The following PDS5A variants were observed in gnomAD, a reference collection of about 807,000 sequenced individuals.
PDS5A encodes PDS5 cohesin associated factor A.
Under a neutral mutation model 167.1 loss-of-function variants are expected in PDS5A, and 42 were observed. The ratio of observed to expected loss-of-function variants is 0.25; its 90% CI spans 0.20 to 0.33. The LOEUF (loss-of-function observed/expected upper bound fraction) is 0.33. Ranked by LOEUF, PDS5A falls within the 10% of genes least tolerant of loss-of-function variation. The pLI is 1.00. For missense variants in PDS5A, 1,033 were observed against 1,605.9 expected (o/e 0.64, Z 6.10); for synonymous variants, 553 against 554.6 (o/e 1.00, Z 0.04).
intron 2 of PDS5A, among the ~76,000 whole-genome samples, chr4:39,966,419 AAT>A (rs1017316731): frequency 5.3e-5 from 8 of 152,310 alleles, no homozygotes; most frequent in African/African-American, 1.9e-4. Context: ...GCCCTACGTT[AAT>A]ATCAATTCCA....
intron 32 of PDS5A, among the ~76,000 whole-genome samples, chr4:39,836,688 T>C (rs1407828208): frequency 4.1e-5 from 6 of 146,192 alleles, no homozygotes; most frequent in Non-Finnish European, 7.5e-5. Flanking sequence ...GGTCTCAAAC[T>C]CCTGACCTCA....
chr4:39,917,759 G>A (rs569835339), intron 7 of PDS5A, among the ~76,000 whole-genome samples: 6 of 152,268 alleles, frequency 3.9e-5, no homozygotes, highest in African/African-American at 1.4e-4. Context: ...ATTTTTAGCA[G>A]AGACAAGGTT....
At chr4:39,945,184 G>A (rs1727631445) in intron 2 of PDS5A, among the ~76,000 whole-genome samples, 1 of 151,984 alleles carries the variant, frequency 6.6e-6, no homozygotes, top group Non-Finnish European at 1.5e-5. Flanking sequence ...CAGGCGGCCG[G>A]GTGCAGTGGC....
At chr4:39,924,230 C>T (rs1005510100) in intron 5 of PDS5A, among the ~76,000 whole-genome samples, 2 of 152,182 alleles carry the variant, frequency 1.3e-5, no homozygotes, top group African/African-American at 4.8e-5. Context: ...TGCCAACTGA[C>T]TACAAACACA....
chr4:39,873,751 T>TA, intron 20 of PDS5A, among the ~76,000 whole-genome samples: 1 of 152,248 alleles, frequency 6.6e-6, no homozygotes, highest in East Asian at 1.9e-4. Context: ...TGTTCTAACA[T>TA]AAACACATAA....
At chr4:39,845,071 G>C (rs1458477666) in intron 29 of PDS5A, among the ~76,000 whole-genome samples, 1 of 152,098 alleles carries the variant, frequency 6.6e-6, no homozygotes, top group Non-Finnish European at 1.5e-5. Context: ...AGCCAGGTGT[G>C]GTGGTATAAG....
At chr4:39,873,870 C>T (rs1720254340) in intron 20 of PDS5A, among the ~76,000 whole-genome samples, 1 of 151,926 alleles carries the variant, frequency 6.6e-6, no homozygotes, top group African/African-American at 2.4e-5. Context: ...ATGGCAAAAC[C>T]CCATCTCTAT....
At chr4:39,935,133 T>C (rs1445929079) in intron 2 of PDS5A, among the ~76,000 whole-genome samples, 3 of 152,348 alleles carry the variant, frequency 2.0e-5, no homozygotes, top group East Asian at 3.8e-4. Flanking sequence ...ATTGATTGAT[T>C]GATTGATTGA....
intron 14 of PDS5A, among the ~76,000 whole-genome samples, chr4:39,899,543 G>T (rs998742884): frequency 3.9e-5 from 6 of 152,034 alleles, no homozygotes; most frequent in African/African-American, 1.4e-4. Flanking sequence ...GCTATCTGTT[G>T]ATTTATTTTC....
intron 8 of PDS5A, among the ~76,000 whole-genome samples, chr4:39,914,631 ATT>A (rs910055146): frequency 3.3e-5 from 5 of 152,186 alleles, no homozygotes; most frequent in African/African-American, 1.2e-4. Flanking sequence ...GTAAGATTAT[ATT>A]TTCTTATCCT....
At chr4:39,868,581 A>C (rs1719749677) in intron 22 of PDS5A, 1 of 443,456 alleles carries the variant, frequency 2.3e-6, no homozygotes, top group African/African-American at 2.0e-5. Context: ...TGCCTGCCTC[A>C]GCCTCCCAAA....
rs34421673 is a variant in PDS5A, at chr4:39,968,347, CTTTT to C, written c.138+8089_138+8092del. On this transcript the variant is annotated intron_variant, in intron 2 of 32. Coordinates refer to ENST00000303538, the MANE Select transcript of PDS5A (RefSeq NM_001100399.2). ...TATGGGAGGATGGCTATTTGTGATTCTTTTTTTTTTTTTTTGAGATGGAGTTTCG... is the reference window on the plus strand; with the variant it reads ...TATGGGAGGATGGCTATTTGTGATTCTTTTTTTTTTTGAGATGGAGTTTCG... Among the ~76,000 whole-genome samples, 478 of 132,626 alleles carry C rather than the reference CTTTT, an allele frequency of 3.6e-3. 4 individuals carry two copies. Among genetic ancestry groups the C allele is most frequent in the Admixed American group, 6.2e-3 (84 of 13,474 alleles). The allele number at this position is 132,626 out of a possible 152,430, so 87.0% of individuals were successfully genotyped here. A position where few individuals can be genotyped will look rare whatever the true frequency, so the allele number is the denominator to read the frequency against.
At chr4:39,972,674 CTT>C (rs35374040) in intron 2 of PDS5A, among the ~76,000 whole-genome samples, 6 of 144,446 alleles carry the variant, frequency 4.2e-5, no homozygotes, top group Admixed American at 6.9e-5. Flanking sequence ...CACAACTTTC[CTT>C]TTTTTTTTTT....
In PDS5A at chr4:39,877,152, ACCTG is replaced by A. The variant is rs1290911856; in HGVS notation, c.1993-3_1993del. On this transcript the variant is annotated splice_acceptor_variant and splice_polypyrimidine_tract_variant and coding_sequence_variant and intron_variant, in exon 19 of 33. Transcript: ENST00000303538. LOFTEE classifies it high-confidence loss of function. ...CGAGGTAGGATGTGTAAAAGACAGAACCTGAAAAAACAGATACAGCTTTAGAAGT... is the reference window on the plus strand; with the variant it reads ...CGAGGTAGGATGTGTAAAAGACAGAAAAAAAACAGATACAGCTTTAGAAGT... 6.5e-7 allele frequency: 1 copy of A among 1,549,634 alleles called. No homozygotes were observed. The highest frequency in any genetic ancestry group is 8.7e-7 in the Non-Finnish European group (1 of 1,145,930).
intron 2 of PDS5A, among the ~76,000 whole-genome samples, chr4:39,943,144 ACACAC>A (rs1727383679): frequency 8.0e-6 from 1 of 125,674 alleles, no homozygotes; most frequent in Non-Finnish European, 1.9e-5. Context: ...ACACACACAC[ACACAC>A]ACACACACAC....
chr4:39,974,339 C>T (rs1730867974), intron 2 of PDS5A: 1 of 477,004 alleles, frequency 2.1e-6, no homozygotes, highest in South Asian at 1.6e-5. Flanking sequence ...AACACATCAA[C>T]TTTCCATTTT....
intron 29 of PDS5A, 70 bp downstream of exon 29, chr4:39,845,748 G>A: frequency 7.5e-7 from 1 of 1,330,138 alleles, no homozygotes; most frequent in Non-Finnish European, 9.8e-7. Flanking sequence ...TCATTTAAAG[G>A]TATTTCTAGG....
At chr4:39,958,117 CCCGAGCTCAAGTGAT>C (rs748428789) in intron 2 of PDS5A, among the ~76,000 whole-genome samples, 3 of 152,128 alleles carry the variant, frequency 2.0e-5, no homozygotes, top group Non-Finnish European at 4.4e-5. Context: ...GTAGCAAACT[CCCGAGCTCAAGTGAT>C]CCGTCTGCCT....
At chr4:39,958,636 A>G (rs1729191494) in intron 2 of PDS5A, among the ~76,000 whole-genome samples, 1 of 149,560 alleles carries the variant, frequency 6.7e-6, no homozygotes, top group African/African-American at 2.5e-5. Context: ...TTTCTTTGAG[A>G]CAGAGTCTCA....
Sources: allele counts gnomAD v4.1 joint callset (sites outside exome capture counted in the v4.1 genomes callset), GRCh38; gene constraint gnomAD v4.1.1; transcripts MANE v1.5; gene names NCBI Gene and HGNC (gene_info 2026-07-23, HGNC 2026-07-21).